MRPS7: variants seen among roughly 807,000 people sequenced by gnomAD.
MRPS7 encodes the protein small ribosomal subunit protein uS7m.
In MRPS7, 13 loss-of-function variants were observed where a neutral mutation model predicts 26.2. The observed-to-expected ratio is 0.50, with a 90% CI of 0.32 to 0.79. MRPS7 has a LOEUF of 0.79. Among genes scored for constraint, MRPS7 ranks in the 30% least tolerant of loss-of-function variants. The pLI is 0.03. For missense variants in MRPS7, 318 were observed against 312.2 expected, an observed-to-expected ratio of 1.02 and a Z score of -0.14; for synonymous variants, 129 against 113.3, an observed-to-expected ratio of 1.14 and a Z score of -0.88.
rs2077438583 is a variant in MRPS7, at chr17:75,263,349, G to A, written c.349G>A (p.Ala117Thr). Residue 117 changes from alanine (A) to threonine (T), a missense_variant, in exon 4 of 5, where the codon GCT becomes ACT. Coordinates refer to ENST00000245539, the MANE Select transcript of MRPS7 (RefSeq NM_015971.4). ...ARSLMIQTLEAVKRKQFEKYH... is the reference protein window; with the variant it reads ...ARSLMIQTLETVKRKQFEKYH... ...CCATATTCTTTTGCAGACTCTGGAA[G>A]CTGTGAAAAGGAAGCAGTTTGAGAA... 1 of 1,614,130 alleles carries A rather than the reference G, an allele frequency of 6.2e-7. No homozygotes were observed. Among genetic ancestry groups the A allele is most frequent in the Non-Finnish European group, 8.5e-7 (1 of 1,180,038 alleles).
At chr17:75,262,474 C>G in intron 1 of MRPS7, 23 bp from the exon 2 acceptor site, 1 of 1,610,464 alleles carries the variant, frequency 6.2e-7, no homozygotes. Context: ...TTTTGCCTGC[C>G]TCCTCCTTTC....
Position 75,265,550 on chromosome 17 carries a change from G to A in MRPS7, c.508-152G>A, listed in dbSNP as rs2077469817. The stretch of plus-strand genomic sequence containing the variant: ...ACACTGGGGTCACCTGAAGGTGAGG[G>A]AAGCTCGAAGAAAAGACAGGCCCTT... On this transcript the variant is annotated intron_variant, in intron 4 of 4. Coordinates refer to ENST00000245539, the MANE Select transcript of MRPS7 (RefSeq NM_015971.4). 3 of 655,300 alleles carry A rather than the reference G, an allele frequency of 4.6e-6. No individual in the cohort carries two copies. In the Admixed American group the frequency reaches 8.4e-5, roughly 18 times the overall value. The allele number at this position is 655,300 out of a possible 1,614,324, so 40.6% of individuals were successfully genotyped here.
intron 4 of MRPS7, 71 bp from the exon 5 acceptor site, chr17:75,265,631 T>C: frequency 7.4e-7 from 1 of 1,353,622 alleles, no homozygotes; most frequent in Non-Finnish European, 1.1e-6. Flanking sequence ...CTCCTTAGAA[T>C]TCAGGGAGGC....
intron 4 of MRPS7, chr17:75,263,953 G>A (rs969126204): frequency 2.0e-5 from 3 of 152,576 alleles, no homozygotes; most frequent in African/African-American, 7.3e-5. Context: ...GGAGGCCGAG[G>A]TGGATGGATT....
rs1598150513 is a variant in MRPS7, at chr17:75,266,071, G to A, written c.*148G>A. On this transcript the variant is annotated 3_prime_UTR_variant, in exon 5 of 5. Transcript: ENST00000245539. ...AGATGTAGCAGCATATTCACTATCC[G>A]TTAATCCTTCTTTCTTTGAGGCTGG... 1.5e-6 allele frequency: 1 copy of A among 680,160 alleles called. No individual in the cohort carries two copies. The highest frequency in any genetic ancestry group is 2.7e-5 in the Admixed American group (1 of 36,934). The allele number at this position is 680,160 out of a possible 1,614,324, so 42.1% of individuals were successfully genotyped here. A position where few individuals can be genotyped will look rare whatever the true frequency, so the allele number is the denominator to read the frequency against.
intron 3 of MRPS7, 140 bp downstream of exon 3, chr17:75,263,007 T>C (rs1188038175): frequency 2.5e-6 from 2 of 799,326 alleles, no homozygotes; most frequent in Admixed American, 5.6e-5. Flanking sequence ...GTGTACGGGC[T>C]TTAATGAAGC....
chr17:75,262,341 G>A, intron 1 of MRPS7, 156 bp from the exon 2 acceptor site: 3 of 823,008 alleles, frequency 3.6e-6, no homozygotes, highest in Non-Finnish European at 3.9e-6. Flanking sequence ...CCTCCTACTT[G>A]GGACAAGGGC....
At chr17:75,262,428 A>T in intron 1 of MRPS7, 69 bp from the exon 2 acceptor site, 1 of 1,532,716 alleles carries the variant, frequency 6.5e-7, no homozygotes. Context: ...AGTCATGCCT[A>T]TTGTTAAGTC....
chr17:75,265,127 C>T (rs762029060), intron 4 of MRPS7, among the ~76,000 whole-genome samples: 6 of 151,978 alleles, frequency 3.9e-5, no homozygotes, highest in Non-Finnish European at 8.8e-5. Context: ...CTGCAACCTC[C>T]GTCTCCTGGG....
chr17:75,265,974 A>G lies in MRPS7; in HGVS notation c.*51A>G, dbSNP rs767709317. The G allele has an allele frequency of 6.4e-7, 1 of 1,554,782 alleles. No individual in the cohort carries two copies. The highest frequency in any genetic ancestry group is 8.8e-7 in the Non-Finnish European group (1 of 1,132,982). ...TCTGCCGCAAGAAACAGTGTGAGCT[A>G]CTGCCACGCTGAAAACTACCTGTGG... On this transcript the variant is annotated 3_prime_UTR_variant, in exon 5 of 5. Coordinates refer to ENST00000245539, the MANE Select transcript of MRPS7 (RefSeq NM_015971.4).
chr17:75,265,563 A>G, intron 4 of MRPS7, 139 bp from the exon 5 acceptor site: 1 of 699,666 alleles, frequency 1.4e-6, no homozygotes. Flanking sequence ...GCTCGAAGAA[A>G]AGACAGGCCC....
Position 75,263,357 on chromosome 17 carries a change from A to G in MRPS7, c.357A>G (p.Lys119=). The part of the protein sequence containing the change: ...SLMIQTLEAV[K]RKQFEKYHAA... ...TTTTGCAGACTCTGGAAGCTGTGAAAAGGAAGCAGTTTGAGAAGTACCATG... is the reference window on the plus strand; with the variant it reads ...TTTTGCAGACTCTGGAAGCTGTGAAGAGGAAGCAGTTTGAGAAGTACCATG... The change falls in exon 4 of 5, where the codon AAA becomes AAG. Residue 119 remains lysine (K), a synonymous_variant. Transcript: ENST00000245539. 6.2e-7 allele frequency: 1 copy of G among 1,614,140 alleles called. No homozygotes were observed. Among genetic ancestry groups the G allele is most frequent in the Non-Finnish European group, 8.5e-7 (1 of 1,180,034 alleles).
chr17:75,262,072 G>A, intron 1 of MRPS7, 89 bp downstream of exon 1: 3 of 1,443,450 alleles, frequency 2.1e-6, no homozygotes, highest in Non-Finnish European at 2.8e-6. Flanking sequence ...AGAGAGCATT[G>A]CCCTGGGGGC....
Position 75,262,681 on chromosome 17 carries a change from G to A in MRPS7, c.268G>A (p.Val90Ile). 1 of 1,614,164 alleles carries A rather than the reference G, an allele frequency of 6.2e-7. No individual in the cohort carries two copies. The highest frequency in any genetic ancestry group is 1.1e-5 in the South Asian group (1 of 91,082). ...AACAAGTTCTGTGTTTGAAGACCCA[G>A]TCATCAGGTTAGATGGAAACAAACA... is the stretch of plus-strand genomic sequence containing the variant. Reference protein sequence around the residue: ...GKTSSVFEDPVISKFTNMMMI... With the variant: ...GKTSSVFEDPIISKFTNMMMI... The change falls in exon 2 of 5, where the codon GTC (valine) becomes ATC (isoleucine). Residue 90 changes from valine (V) to isoleucine (I), a missense_variant. Physicochemically the swap from Val to Ile is conservative, Grantham distance 29 (BLOSUM62 3). Transcript: ENST00000245539.
At chr17:75,264,209 G>A (rs1027818969) in intron 4 of MRPS7, 6 of 151,820 alleles carry the variant, frequency 4.0e-5, no homozygotes, top group African/African-American at 1.5e-4. Context: ...GACTGTTACG[G>A]TCCACTCATC....
chr17:75,262,599 G>A lies in MRPS7; in HGVS notation c.186G>A (p.Glu62=). The change falls in exon 2 of 5, where the codon GAG becomes GAA. Residue 62 remains glutamate, a synonymous_variant. Transcript: ENST00000245539. Reference sequence around the variant, plus strand: ...CAGTGGAGGAGCTAACTGAGGAGGAGAAATATGTTCGGGAGCTCAAGAAGA... The same window carrying A: ...CAGTGGAGGAGCTAACTGAGGAGGAAAAATATGTTCGGGAGCTCAAGAAGA... ...RKPVEELTEE[E]KYVRELKKTQ... is the part of the protein sequence containing the mutation. 1 of 1,614,154 alleles carries A rather than the reference G, an allele frequency of 6.2e-7. No homozygotes were observed. Among genetic ancestry groups the A allele is most frequent in the Non-Finnish European group, 8.5e-7 (1 of 1,180,044 alleles).
Position 75,266,106 on chromosome 17 carries a change from T to C in MRPS7, c.*183T>C. ...CTTTCTTTGAGGCTGGAACTTGCTC[T>C]CTCTGCCCCTATTTCCTTGTAAAGA... On this transcript the variant is annotated 3_prime_UTR_variant, in exon 5 of 5. Coordinates refer to ENST00000245539, the MANE Select transcript of MRPS7 (RefSeq NM_015971.4). The C allele has an allele frequency of 3.3e-6, 2 of 614,900 alleles. No individual in the cohort carries two copies. The highest frequency in any genetic ancestry group is 2.8e-6 in the Non-Finnish European group (1 of 351,958). The allele number at this position is 614,900 out of a possible 1,614,324, so 38.1% of individuals were successfully genotyped here.
intron 4 of MRPS7, 61 bp downstream of exon 4, chr17:75,263,568 G>T (rs2077443148): frequency 6.2e-7 from 1 of 1,600,286 alleles, no homozygotes; most frequent in African/African-American, 1.3e-5. Flanking sequence ...GATAGGTGGT[G>T]CTTGGGAGTT....
chr17:75,263,603 C>G, intron 4 of MRPS7, 96 bp downstream of exon 4: 1 of 1,488,916 alleles, frequency 6.7e-7, no homozygotes, highest in Non-Finnish European at 9.2e-7. Flanking sequence ...AGCTTTCTAG[C>G]TGGTGCAGTG....
Sources: gnomAD v4.1 joint callset for allele counts (sites outside exome capture counted in the v4.1 genomes callset) on GRCh38, gnomAD v4.1.1 for gene constraint, MANE v1.5 for transcripts, NCBI Gene and HGNC (gene_info 2026-07-23, HGNC 2026-07-21) for gene names.